The following EPHB1 variants were observed in gnomAD, a reference collection of about 807,000 sequenced individuals.
The protein encoded by EPHB1 is ephrin type-B receptor 1.
EPHB1 carries 30 observed loss-of-function variants against 94.4 expected under a neutral mutation model. That is an observed-to-expected ratio of 0.32 (90% CI 0.24 to 0.43). EPHB1 has a LOEUF of 0.43. Ranked by LOEUF, EPHB1 falls within the 20% of genes least tolerant of loss-of-function variation. The pLI, the probability that EPHB1 is intolerant of heterozygous loss-of-function variation, is 1.00. For missense variants in EPHB1, 1,055 were observed against 1,308.3 expected (o/e 0.81, Z 2.99); for synonymous variants, 522 against 489.1 (o/e 1.07, Z -0.89).
At chr3:135,246,771 A>G (rs1481018511) in intron 13 of EPHB1, among the ~76,000 whole-genome samples, 1 of 152,190 alleles carries the variant, frequency 6.6e-6, no homozygotes, top group African/African-American at 2.4e-5. Context: ...ACTCCCAGTC[A>G]CTGGATTTTT....
intron 3 of EPHB1, among the ~76,000 whole-genome samples, chr3:135,090,083 C>T (rs1197048633): frequency 6.6e-6 from 1 of 152,216 alleles, no homozygotes; most frequent in Non-Finnish European, 1.5e-5. Flanking sequence ...CTCTCAGCAC[C>T]TAGGAATAAA....
At chr3:134,915,735 A>T (rs2038555259) in intron 1 of EPHB1, among the ~76,000 whole-genome samples, 1 of 151,740 alleles carries the variant, frequency 6.6e-6, no homozygotes, top group Non-Finnish European at 1.5e-5. Flanking sequence ...GCGCGTCCGG[A>T]GTTGTTCTTT....
intron 2 of EPHB1, among the ~76,000 whole-genome samples, chr3:134,935,595 G>A (rs1437520659): frequency 6.6e-6 from 1 of 152,146 alleles, no homozygotes; most frequent in African/African-American, 2.4e-5. Flanking sequence ...TAGAGTGATT[G>A]GGATTACATT....
chr3:135,151,304 C>G (rs1941186207), intron 5 of EPHB1, among the ~76,000 whole-genome samples: 1 of 152,166 alleles, frequency 6.6e-6, no homozygotes, highest in African/African-American at 2.4e-5. Flanking sequence ...GTCCTGCCCC[C>G]TGTGGACTCC....
At chr3:135,096,761 C>T (rs1342774101) in intron 3 of EPHB1, among the ~76,000 whole-genome samples, 1 of 152,142 alleles carries the variant, frequency 6.6e-6, no homozygotes, top group Admixed American at 6.5e-5. Flanking sequence ...AGGGCTCCAC[C>T]CTCGTGACTT....
chr3:135,057,868 A>G (rs1390350561), intron 3 of EPHB1, among the ~76,000 whole-genome samples: 1 of 152,122 alleles, frequency 6.6e-6, no homozygotes, highest in Non-Finnish European at 1.5e-5. Flanking sequence ...CCATTGTGGG[A>G]GCCTTTGTCT....
chr3:134,963,137 CCT>C, intron 3 of EPHB1, among the ~76,000 whole-genome samples: 1 of 47,828 alleles, frequency 2.1e-5, no homozygotes, highest in Non-Finnish European at 3.8e-5. Flanking sequence ...TTCTCTTGCT[CCT>C]TCCTTCCTTC....
intron 3 of EPHB1, among the ~76,000 whole-genome samples, chr3:135,039,410 C>A (rs1354053872): frequency 6.6e-6 from 1 of 152,346 alleles, no homozygotes; most frequent in African/African-American, 2.4e-5. Context: ...GCCTGCCAGT[C>A]CTGCACCGTG....
At chr3:134,901,701 G>T (rs542355310) in intron 1 of EPHB1, among the ~76,000 whole-genome samples, 1 of 152,250 alleles carries the variant, frequency 6.6e-6, no homozygotes, top group Non-Finnish European at 1.5e-5. Flanking sequence ...AGCCATGGGT[G>T]CAGCTTGGGC....
chr3:135,143,895 C>G (rs1008710785), intron 5 of EPHB1, among the ~76,000 whole-genome samples: 3 of 152,236 alleles, frequency 2.0e-5, no homozygotes, highest in African/African-American at 7.2e-5. Context: ...CTGTGGAAAA[C>G]TGCCAGGTTG....
intron 12 of EPHB1, among the ~76,000 whole-genome samples, chr3:135,210,761 A>G (rs981917758): frequency 6.6e-6 from 1 of 152,146 alleles, no homozygotes; most frequent in Non-Finnish European, 1.5e-5. Flanking sequence ...GGACACTGTG[A>G]TTCCCTCTCT....
At chr3:135,225,094 T>C (rs1943362720) in intron 12 of EPHB1, among the ~76,000 whole-genome samples, 1 of 152,176 alleles carries the variant, frequency 6.6e-6, no homozygotes, top group South Asian at 2.1e-4. Context: ...ACTGATTTGC[T>C]GGCTGTTTAA....
At chr3:134,878,581 G>C (rs751036666) in intron 1 of EPHB1, among the ~76,000 whole-genome samples, 1 of 152,184 alleles carries the variant, frequency 6.6e-6, no homozygotes, top group Non-Finnish European at 1.5e-5. Flanking sequence ...GGCTTCCAGG[G>C]AGCTGATGGA....
intron 1 of EPHB1, among the ~76,000 whole-genome samples, chr3:134,884,172 C>G (rs189495949): frequency 6.6e-6 from 1 of 152,346 alleles, no homozygotes; most frequent in Admixed American, 6.5e-5. Context: ...CCAAGCAGCA[C>G]TCCAGTGTGA....
At chr3:135,242,444 C>T (rs1195145323) in intron 13 of EPHB1, among the ~76,000 whole-genome samples, 2 of 152,134 alleles carry the variant, frequency 1.3e-5, no homozygotes, top group Non-Finnish European at 2.9e-5. Flanking sequence ...AGGTTTAGTG[C>T]CATGGCAGCT....
At chr3:135,020,736 A>G (rs1935962453) in intron 3 of EPHB1, among the ~76,000 whole-genome samples, 3 of 152,314 alleles carry the variant, frequency 2.0e-5, no homozygotes, top group South Asian at 4.1e-4. Flanking sequence ...ATTTACAACT[A>G]TATTTTCTGC....
At chr3:135,026,033 G>A (rs1184167394) in intron 3 of EPHB1, among the ~76,000 whole-genome samples, 11 of 69,226 alleles carry the variant, frequency 1.6e-4, no homozygotes, top group African/African-American at 4.5e-4. Context: ...GTCTGTTCAT[G>A]TCCTTCACCC....
At chr3:135,001,937 C>A (rs1226809893) in intron 3 of EPHB1, among the ~76,000 whole-genome samples, 1 of 152,170 alleles carries the variant, frequency 6.6e-6, no homozygotes, top group Non-Finnish European at 1.5e-5. Flanking sequence ...TCCAAAAGAA[C>A]TGAAAGCAGA....
At position 135,078,655 on chromosome 3, in the gene EPHB1, G is replaced by T. The variant is rs532051963; in HGVS notation, c.806-27793G>T. 6.2e-4 allele frequency among the ~76,000 whole-genome samples: 94 copies of T among 152,354 alleles called. 1 individual carries two copies. Among genetic ancestry groups the T allele is most frequent in the Middle Eastern group, 3.4e-3 (1 of 294 alleles). ...CAATCTGTGAAAGAGAGAGGAAGAG[G>T]GAGTATGGGAGCTGGCACATGCTGT... On this transcript the variant is annotated intron_variant, in intron 3 of 15. Transcript: ENST00000398015.
Sources: gnomAD v4.1 joint callset for allele counts (sites outside exome capture counted in the v4.1 genomes callset) on GRCh38, gnomAD v4.1.1 for gene constraint, MANE v1.5 for transcripts, NCBI Gene and HGNC (gene_info 2026-07-23, HGNC 2026-07-21) for gene names.